SMC3: variants seen among roughly 807,000 people sequenced by gnomAD.
SMC3 encodes the protein structural maintenance of chromosomes protein 3.
A neutral mutation model predicts 171.8 loss-of-function variants in SMC3; 20 were observed. That is an observed-to-expected ratio of 0.12 (90% CI 0.08 to 0.17). The LOEUF is 0.17. Among genes scored for constraint, SMC3 ranks in the 10% least tolerant of loss-of-function variants. SMC3 has a pLI of 1.00. For missense variants in SMC3, 543 were observed against 1,420.4 expected (o/e 0.38, Z 9.93); for synonymous variants, 464 against 451.1 (o/e 1.03, Z -0.36).
chr10:110,576,762 C>T (rs924051546), intron 4 of SMC3, among the ~76,000 whole-genome samples: 1 of 152,062 alleles, frequency 6.6e-6, no homozygotes, highest in African/African-American at 2.4e-5. Context: ...CTCTTTGGTA[C>T]AGTTCTTCAT....
chr10:110,588,085 G>T (rs985057709), intron 13 of SMC3, among the ~76,000 whole-genome samples: 8 of 152,158 alleles, frequency 5.3e-5, no homozygotes, highest in African/African-American at 1.9e-4. Flanking sequence ...CCCCATCCTG[G>T]GTTCAAGTGA....
chr10:110,576,375 A>G (rs140089170), intron 4 of SMC3, among the ~76,000 whole-genome samples: 2 of 152,316 alleles, frequency 1.3e-5, no homozygotes, highest in East Asian at 1.9e-4. Context: ...TTTGTAATGC[A>G]TAAGCACGAT....
At chr10:110,587,632 G>A (rs1861142238) in intron 13 of SMC3, among the ~76,000 whole-genome samples, 1 of 151,026 alleles carries the variant, frequency 6.6e-6, no homozygotes, top group Non-Finnish European at 1.5e-5. Context: ...CTTGCAGTGA[G>A]CCAAGATTGC....
chr10:110,579,829 C>T (rs1861006017), intron 7 of SMC3, among the ~76,000 whole-genome samples: 2 of 152,082 alleles, frequency 1.3e-5, no homozygotes. Context: ...TTTGATAGAC[C>T]TATTTTCGTA....
intron 15 of SMC3, 119 bp downstream of exon 15, chr10:110,590,110 A>G (rs1375275684): frequency 1.1e-5 from 9 of 794,338 alleles, no homozygotes; most frequent in African/African-American, 1.7e-5. Flanking sequence ...TAGGAGTCCA[A>G]ATTATCTTCT....
intron 2 of SMC3, among the ~76,000 whole-genome samples, chr10:110,570,995 C>G (rs1397337797): frequency 6.6e-6 from 1 of 152,144 alleles, no homozygotes; most frequent in Non-Finnish European, 1.5e-5. Flanking sequence ...TAAAAAATAT[C>G]TCTTGTACTG....
rs1861446155 is a variant in SMC3 at position 110,604,954 on chromosome 10, C to G, written c.*652C>G. 6.6e-6 allele frequency among the ~76,000 whole-genome samples: 1 copy of G among 152,168 alleles called. No homozygotes were observed. ...TCCCACAGAGGATACATTACATTTA[C>G]TTACATCTCCTCTAGTCTGTGACAA... On this transcript the variant is annotated 3_prime_UTR_variant, in exon 29 of 29. Coordinates refer to ENST00000361804, the MANE Select transcript of SMC3 (RefSeq NM_005445.4).
At chr10:110,583,361 T>A in intron 10 of SMC3, 23 bp from the exon 11 acceptor site, 1 of 1,599,730 alleles carries the variant, frequency 6.3e-7, no homozygotes, top group Non-Finnish European at 8.6e-7. Flanking sequence ...TTGCCTTATT[T>A]TCTGTTTAAT....
intron 4 of SMC3, among the ~76,000 whole-genome samples, chr10:110,575,650 T>C (rs1407597714): frequency 6.6e-6 from 1 of 152,202 alleles, no homozygotes; most frequent in Non-Finnish European, 1.5e-5. Context: ...ATGTCCTCCA[T>C]ATAAATGTCT....
At chr10:110,573,564 TC>T in intron 2 of SMC3, 142 bp from the exon 3 acceptor site, 1 of 427,156 alleles carries the variant, frequency 2.3e-6, no homozygotes. Flanking sequence ...TTTATTGGTT[TC>T]TTTTGTTCAC....
intron 9 of SMC3, 42 bp downstream of exon 9, chr10:110,582,140 G>T: frequency 6.5e-7 from 1 of 1,548,360 alleles, no homozygotes; most frequent in Middle Eastern, 1.7e-4. Context: ...GATTAATTTT[G>T]TTTTTATGAA....
chr10:110,581,877 A>C (rs752383427), intron 8 of SMC3, 46 bp from the exon 9 acceptor site: 9 of 1,467,222 alleles, frequency 6.1e-6, no homozygotes, highest in Non-Finnish European at 8.6e-6. Flanking sequence ...GATATTACAT[A>C]AAAATCTTAT....
rs1861389728 is a variant in SMC3, at chr10:110,601,726, A to G, written c.2734A>G (p.Met912Val). Residue 912 changes from methionine to valine, a missense_variant, in exon 24 of 29, where the codon ATG (methionine) becomes GTG (valine). Physicochemically the swap from Met to Val is conservative, Grantham distance 21. This residue lies in a region of SMC3 where 81 missense variants were observed against 184.2 expected (regional missense o/e 0.44). Transcript: ENST00000361804. The stretch of plus-strand genomic sequence containing the variant: ...CTGGAAAAATATGGAAAAAGAACAT[A>G]TGGATGCTATAAATCATGATACTAA... ...ERWKNMEKEH[M>V]DAINHDTKEL... 3 of 1,613,616 alleles carry G rather than the reference A, an allele frequency of 1.9e-6. No individual in the cohort carries two copies. Among genetic ancestry groups the G allele is most frequent in the South Asian group, 2.2e-5 (2 of 91,078 alleles).
intron 7 of SMC3, 47 bp from the exon 8 acceptor site, chr10:110,580,857 A>G: frequency 2.0e-6 from 2 of 1,010,316 alleles, no homozygotes; most frequent in South Asian, 2.5e-5. Flanking sequence ...TCTTCTTCTT[A>G]AACGGAGGCT....
chr10:110,600,353 A>C, intron 21 of SMC3, 86 bp from the exon 22 acceptor site: 1 of 760,680 alleles, frequency 1.3e-6, no homozygotes, highest in South Asian at 1.5e-5. Context: ...TCACATGAGC[A>C]CAAGTACTAG....
At chr10:110,590,913 G>A (rs1331510465) in intron 16 of SMC3, 78 bp from the exon 17 acceptor site, 1 of 1,306,934 alleles carries the variant, frequency 7.7e-7, no homozygotes, top group Non-Finnish European at 1.1e-6. Context: ...AGGCTGAGGT[G>A]GGAGGATTGA....
chr10:110,575,175 T>A lies in SMC3; in HGVS notation c.131-161T>A, dbSNP rs562059865. On this transcript the variant is annotated intron_variant, in intron 3 of 28. Transcript: ENST00000361804. ...CATTTCCTACCTGATTAGTCTGATG[T>A]GCAGGCACATTTTCTGCATTTCCTT... Among the ~76,000 whole-genome samples the A allele has an allele frequency of 3.9e-5, 6 of 152,344 alleles. No individual in the cohort carries two copies. In the South Asian group the frequency reaches 1.2e-3, roughly 32 times the overall value.
chr10:110,570,374 T>G (rs1860852282), intron 2 of SMC3, among the ~76,000 whole-genome samples: 1 of 152,138 alleles, frequency 6.6e-6, no homozygotes, highest in African/African-American at 2.4e-5. Flanking sequence ...GAAGGCAGGT[T>G]TTTTTGCCCT....
intron 15 of SMC3, 74 bp from the exon 16 acceptor site, chr10:110,590,338 T>G (rs976182908): frequency 3.0e-5 from 37 of 1,239,142 alleles, no homozygotes; most frequent in African/African-American, 1.6e-4. Context: ...ATGTATGGTG[T>G]TGTGGGCTCA....
Sources: gnomAD v4.1 joint callset for allele counts (sites outside exome capture counted in the v4.1 genomes callset) on GRCh38, gnomAD v4.1.1 for gene constraint, gnomAD v4.1.1 regional missense constraint, MANE v1.5 for transcripts, NCBI Gene and HGNC (gene_info 2026-07-23, HGNC 2026-07-21) for gene names.